VAV2: variants seen among roughly 807,000 people sequenced by gnomAD.
VAV2 encodes guanine nucleotide exchange factor VAV2.
Under a neutral mutation model 132.5 loss-of-function variants are expected in VAV2, and 67 were observed. The ratio of observed to expected loss-of-function variants is 0.51; its 90% CI spans 0.42 to 0.62. The LOEUF (loss-of-function observed/expected upper bound fraction) is 0.62. Among genes scored for constraint, VAV2 ranks in the 20% least tolerant of loss-of-function variants. The pLI is 0.00. For synonymous variants in VAV2, 492 were observed against 443.5 expected (o/e 1.11, Z -1.37); for missense variants, 938 against 1,153.6 (o/e 0.81, Z 2.71).
intron 2 of VAV2, among the ~76,000 whole-genome samples, chr9:133,887,343 C>T (rs1398376557): frequency 2.0e-5 from 3 of 152,180 alleles, no homozygotes; most frequent in Non-Finnish European, 4.4e-5. Flanking sequence ...GCCCACCCAC[C>T]TGCTACTCCA....
rs374240487 is a variant in VAV2 at position 133,768,542 on chromosome 9, C to T, written c.2489G>A (p.Arg830Gln). The change falls in exon 29 of 30, where the codon CGA becomes CAA. Residue 830 changes from arginine (R) to glutamine (Q), a missense_variant. Physicochemically the swap from Arg to Gln is conservative, Grantham distance 43. Transcript: ENST00000371850. The surrounding 1 kb of genome is among the most constrained non-coding windows in gnomAD (Gnocchi z 5.3). The part of the protein sequence containing the change: ...TAVARYNFAA[R>Q]DMRELSLREG... ...CCGCAGCGAAAGCTCCCTCATATCT[C>T]GGGCGGCAAAGTTATACCTGGCCAC... The T allele has an allele frequency of 8.7e-6, 14 of 1,613,900 alleles. No individual in the cohort carries two copies. Among genetic ancestry groups the T allele is most frequent in the Admixed American group, 3.3e-5 (2 of 59,996 alleles).
chr9:133,951,924 C>T (rs1841572310), intron 1 of VAV2, among the ~76,000 whole-genome samples: 1 of 152,130 alleles, frequency 6.6e-6, no homozygotes, highest in African/African-American at 2.4e-5. Flanking sequence ...AGCTCCAGAG[C>T]CTGGAAGCCC....
At position 133,961,820 on chromosome 9, in the gene VAV2, C is replaced by T. The variant is rs925205147; in HGVS notation, c.205-22601G>A. Among the ~76,000 whole-genome samples the T allele has an allele frequency of 2.0e-5, 3 of 152,162 alleles. No individual in the cohort carries two copies. Among genetic ancestry groups the T allele is most frequent in the Non-Finnish European group, 2.9e-5 (2 of 68,026 alleles). ...CAGGGAGCCCACAGGAGCAGAGTGG[C>T]CCCTCGTTCTGGTGGCCACGCAGGC... On this transcript the variant is annotated intron_variant, in intron 1 of 29. Coordinates refer to ENST00000371850, the MANE Select transcript of VAV2 (RefSeq NM_001134398.2). This position sits in a 1 kb window ranked among gnomAD's most constrained non-coding sequence, Gnocchi z 4.1.
At chr9:133,894,322 T>C (rs1839108274) in intron 2 of VAV2, among the ~76,000 whole-genome samples, 1 of 152,156 alleles carries the variant, frequency 6.6e-6, no homozygotes, top group South Asian at 2.1e-4. Context: ...CTGGTGCAAC[T>C]GACCCAAGAA....
intron 3 of VAV2, among the ~76,000 whole-genome samples, chr9:133,843,378 G>A (rs1162451780): frequency 6.6e-6 from 1 of 152,116 alleles, no homozygotes; most frequent in Non-Finnish European, 1.5e-5. Flanking sequence ...GGTTTTTTTG[G>A]TATTTTTTTG....
At chr9:133,920,789 C>T (rs1229101729) in intron 2 of VAV2, among the ~76,000 whole-genome samples, 1 of 152,066 alleles carries the variant, frequency 6.6e-6, no homozygotes, top group African/African-American at 2.4e-5. Context: ...GGCTGCCTGA[C>T]GACACGGGGC....
At position 133,884,654 on chromosome 9, in the gene VAV2, A is replaced by G. The variant is rs903823702; in HGVS notation, c.322-23222T>C. Reference sequence around the variant, plus strand: ...TCTATATGCATAAGATGCTTCAATAAGAAGCTTGCTAAAAAGAAAAACAAA... The same window carrying G: ...TCTATATGCATAAGATGCTTCAATAGGAAGCTTGCTAAAAAGAAAAACAAA... On this transcript the variant is annotated intron_variant, in intron 2 of 29. Transcript: ENST00000371850. This position sits in a 1 kb window ranked among gnomAD's most constrained non-coding sequence, Gnocchi z 5.3. 1.8e-4 allele frequency among the ~76,000 whole-genome samples: 27 copies of G among 152,356 alleles called. No homozygotes were observed. The highest frequency in any genetic ancestry group is 6.3e-4 in the African/African-American group (26 of 41,586).
chr9:133,795,660 CCA>C lies in VAV2; in HGVS notation c.1101+6_1101+7del. The C allele has an allele frequency of 1.9e-6, 3 of 1,614,064 alleles. No individual in the cohort carries two copies. Among genetic ancestry groups the C allele is most frequent in the Non-Finnish European group, 2.5e-6 (3 of 1,179,912 alleles). On this transcript the variant is annotated splice_donor_region_variant and intron_variant, in intron 12 of 29. Transcript: ENST00000371850. Reference sequence around the variant, plus strand: ...TGGCTTCTCCCCTGCCTCAGTTTACCCACACACCTGCATGGCTTCCAGTGCTT... The same window carrying C: ...TGGCTTCTCCCCTGCCTCAGTTTACCCACACCTGCATGGCTTCCAGTGCTT...
intron 2 of VAV2, among the ~76,000 whole-genome samples, chr9:133,909,040 G>T (rs1165627335): frequency 6.6e-6 from 1 of 152,228 alleles, no homozygotes; most frequent in Non-Finnish European, 1.5e-5. Context: ...AACTCAAAAA[G>T]AAATTAACTT....
intron 2 of VAV2, among the ~76,000 whole-genome samples, chr9:133,910,901 G>A (rs987673470): frequency 1.3e-4 from 19 of 151,930 alleles, no homozygotes; most frequent in Admixed American, 2.0e-4. Flanking sequence ...GTACAGAGGC[G>A]GGCACGGGAG....
intron 9 of VAV2, among the ~76,000 whole-genome samples, chr9:133,803,864 C>T (rs1588198454): frequency 2.6e-5 from 4 of 152,272 alleles, no homozygotes; most frequent in East Asian, 1.9e-4. Flanking sequence ...GGAGAACCGC[C>T]CCTTTTCTAC....
At chr9:133,916,798 T>C (rs955767819) in intron 2 of VAV2, among the ~76,000 whole-genome samples, 1 of 34,440 alleles carries the variant, frequency 2.9e-5, no homozygotes, top group Non-Finnish European at 2.3e-4. Flanking sequence ...AATGCAGATG[T>C]TGGGACTGTT....
At position 133,795,736 on chromosome 9, in the gene VAV2, C is replaced by T. The variant is rs372614789; in HGVS notation, c.1033G>A (p.Glu345Lys). The T allele has an allele frequency of 6.2e-7, 1 of 1,613,824 alleles. No individual in the cohort carries two copies. Among genetic ancestry groups the T allele is most frequent in the Non-Finnish European group, 8.5e-7 (1 of 1,179,752 alleles). ...CGTTCCGCAGAATGGCTCAGAAGCT[C>T]CTGGAAGGGTGAGAAGAGTGTCATG... ...RVLKYHLLLK[E>K]LLSHSAERPE... The change falls in exon 12 of 30, where the codon GAG (glutamate) becomes AAG (lysine). Residue 345 changes from glutamate to lysine, a missense_variant and splice_region_variant. Physicochemically the swap from Glu to Lys is moderately conservative, Grantham distance 56. Transcript: ENST00000371850.
At chr9:133,894,597 G>C (rs779861009) in intron 2 of VAV2, among the ~76,000 whole-genome samples, 21 of 152,192 alleles carry the variant, frequency 1.4e-4, no homozygotes, top group Non-Finnish European at 2.4e-4. Context: ...GGCCCAGCAG[G>C]GTTCACAGGC....
At chr9:133,821,462 G>GT (rs1835783961) in intron 4 of VAV2, among the ~76,000 whole-genome samples, 1 of 152,210 alleles carries the variant, frequency 6.6e-6, no homozygotes, top group Non-Finnish European at 1.5e-5. Flanking sequence ...CAACAGGAGA[G>GT]TGACAGTTCC....
At chr9:133,835,272 C>T (rs1836424169) in intron 3 of VAV2, among the ~76,000 whole-genome samples, 1 of 152,160 alleles carries the variant, frequency 6.6e-6, no homozygotes, top group East Asian at 1.9e-4. Context: ...TCTGCTCCAT[C>T]CTCTGCAGAC....
intron 4 of VAV2, among the ~76,000 whole-genome samples, chr9:133,831,420 G>A (rs145896259): frequency 0.02 from 3,034 of 150,980 alleles, 47 homozygotes; most frequent in Middle Eastern, 0.031. Flanking sequence ...TGGGTGACAA[G>A]AGCAAAACTC....
At chr9:133,766,709 A>G (rs1157580375) in intron 29 of VAV2, among the ~76,000 whole-genome samples, 2 of 148,724 alleles carry the variant, frequency 1.3e-5, no homozygotes, top group East Asian at 3.9e-4. Context: ...ATACATATGT[A>G]ACAAACCTGC....
At chr9:133,892,604 T>C (rs1839023117) in intron 2 of VAV2, among the ~76,000 whole-genome samples, 3 of 152,030 alleles carry the variant, frequency 2.0e-5, no homozygotes, top group Admixed American at 6.5e-5. Context: ...CGCCTGGCCG[T>C]CCCTCCTGGG....
Sources: allele counts gnomAD v4.1 joint callset (sites outside exome capture counted in the v4.1 genomes callset), GRCh38; gene constraint gnomAD v4.1.1; non-coding constraint Gnocchi (gnomAD v3.1); transcripts MANE v1.5; gene names NCBI Gene and HGNC (gene_info 2026-07-23, HGNC 2026-07-21).